CECR2: variants seen among roughly 807,000 people sequenced by gnomAD.
CECR2 encodes the protein CECR2 histone acetyl-lysine reader.
Under a neutral mutation model 154.5 loss-of-function variants are expected in CECR2, and 30 were observed. That is an observed-to-expected ratio of 0.19 (90% CI 0.15 to 0.26). The LOEUF (loss-of-function observed/expected upper bound fraction) is 0.26, where lower values mean the gene tolerates loss of function less well. Ranked by LOEUF, CECR2 falls within the 10% of genes least tolerant of loss-of-function variation. The pLI is 1.00. For synonymous variants in CECR2, 725 were observed against 683.7 expected, an observed-to-expected ratio of 1.06 and a Z score of -0.94; for missense variants, 1,743 against 1,829.3, an observed-to-expected ratio of 0.95 and a Z score of 0.86.
chr22:17,532,441 CCAATAT>C (rs1251987929), intron 9 of CECR2, among the ~76,000 whole-genome samples: 3 of 152,036 alleles, frequency 2.0e-5, no homozygotes, highest in African/African-American at 4.8e-5. Context: ...ACTTCCTCAG[CCAATAT>C]CTTAATAATC....
chr22:17,475,904 C>G (rs80053119), intron 1 of CECR2, among the ~76,000 whole-genome samples: 3,344 of 151,994 alleles, frequency 0.022, 55 homozygotes, highest in African/African-American at 0.049. Flanking sequence ...CATCTCCCCT[C>G]CCACCCTCTA....
intron 10 of CECR2, among the ~76,000 whole-genome samples, chr22:17,538,226 T>A (rs2056466984): frequency 6.6e-6 from 1 of 152,128 alleles, no homozygotes; most frequent in South Asian, 2.1e-4. Context: ...TCAAAATAAG[T>A]AAATAAAGAA....
chr22:17,502,541 C>T (rs148316329), intron 5 of CECR2, among the ~76,000 whole-genome samples: 121 of 152,282 alleles, frequency 7.9e-4, no homozygotes, highest in African/African-American at 2.8e-3. Context: ...CGGTGGCTCA[C>T]GCCTGTAATC....
Position 17,549,428 on chromosome 22 carries a change from A to G in CECR2, c.4141A>G (p.Asn1381Asp), listed in dbSNP as rs199653481. The G allele has an allele frequency of 1.6e-4, 257 of 1,613,234 alleles. No individual in the cohort carries two copies. Among genetic ancestry groups the G allele is most frequent in the Non-Finnish European group, 2.0e-4 (236 of 1,179,574 alleles). Residue 1381 changes from asparagine to aspartate, a missense_variant, in exon 17 of 19, where the codon AAC becomes GAC. Coordinates refer to ENST00000262608, the MANE Select transcript of CECR2 (RefSeq NM_001290047.2). ...TCACCACCCAGGGGCCACCCAGCCC[A>G]ACGGCCTCTCTCAGGAGGGTCCCAT... ...PPHHPGATQP[N>D]GLSQEGPIYR...
At chr22:17,446,301 A>T (rs2054661342) in intron 1 of CECR2, among the ~76,000 whole-genome samples, 1 of 152,152 alleles carries the variant, frequency 6.6e-6, no homozygotes, top group Admixed American at 6.5e-5. Flanking sequence ...GAGTGAGCCT[A>T]GGAGCTATGA....
intron 1 of CECR2, among the ~76,000 whole-genome samples, chr22:17,433,389 A>T (rs2054456111): frequency 6.6e-6 from 1 of 152,190 alleles, no homozygotes; most frequent in Non-Finnish European, 1.5e-5. Context: ...TTGCTCAAAG[A>T]AGTTAAAATT....
At chr22:17,408,916 A>G (rs1860309) in intron 1 of CECR2, among the ~76,000 whole-genome samples, 70,942 of 151,852 alleles carry the variant, frequency 0.47, 17,350 homozygotes, top group Non-Finnish European at 0.54. Context: ...TGCATCTTCT[A>G]CCTTCCTTAC....
intron 1 of CECR2, among the ~76,000 whole-genome samples, chr22:17,360,354 C>T (rs2062969971): frequency 6.6e-6 from 1 of 152,136 alleles, no homozygotes; most frequent in Non-Finnish European, 1.5e-5. Flanking sequence ...CCAGCTTGTA[C>T]AACATCGTGA....
At chr22:17,386,913 A>G (rs1301940902) in intron 1 of CECR2, among the ~76,000 whole-genome samples, 1 of 152,188 alleles carries the variant, frequency 6.6e-6, no homozygotes, top group Non-Finnish European at 1.5e-5. Flanking sequence ...AGCCTCCTAC[A>G]GTGCTGGGAT....
At chr22:17,523,256 A>C (rs979653383) in intron 8 of CECR2, among the ~76,000 whole-genome samples, 1 of 151,158 alleles carries the variant, frequency 6.6e-6, no homozygotes, top group African/African-American at 2.4e-5. Context: ...GGTCGCAGGT[A>C]CCCTGTAACT....
intron 1 of CECR2, among the ~76,000 whole-genome samples, chr22:17,429,329 G>A (rs150149802): frequency 3.9e-5 from 6 of 152,138 alleles, no homozygotes; most frequent in Middle Eastern, 3.4e-3. Context: ...GTCAGAATAG[G>A]TATTTTGGAT....
intron 4 of CECR2, among the ~76,000 whole-genome samples, chr22:17,500,144 G>T (rs1166185756): frequency 6.7e-6 from 1 of 149,808 alleles, no homozygotes; most frequent in African/African-American, 2.5e-5. Context: ...CCGGGAGGCT[G>T]ATCTTGCAGT....
rs146448922 is a variant in CECR2, at chr22:17,453,125, T to G, written c.127-24463T>G. 2.2e-3 allele frequency among the ~76,000 whole-genome samples: 335 copies of G among 152,320 alleles called. 1 individual carries two copies. The highest frequency in any genetic ancestry group is 7.6e-3 in the African/African-American group (315 of 41,572). On this transcript the variant is annotated intron_variant, in intron 1 of 18. Coordinates refer to ENST00000262608, the MANE Select transcript of CECR2 (RefSeq NM_001290047.2). Reference sequence around the variant, plus strand: ...ATAATTTTACCTATGGCTGTATATTTAGGTCTTTTCGTGCAGGCTATAAAA... The same window carrying G: ...ATAATTTTACCTATGGCTGTATATTGAGGTCTTTTCGTGCAGGCTATAAAA...
chr22:17,414,517 T>A (rs904149442), intron 1 of CECR2, among the ~76,000 whole-genome samples: 1 of 149,450 alleles, frequency 6.7e-6, no homozygotes, highest in African/African-American at 2.5e-5. Flanking sequence ...TTTTTCCTGA[T>A]TTTTTTTTAT....
chr22:17,536,971 C>T, intron 9 of CECR2, 132 bp from the exon 10 acceptor site: 1 of 974,974 alleles, frequency 1.0e-6, no homozygotes, highest in Non-Finnish European at 1.5e-6. Context: ...AAGAGGGTGG[C>T]ACAGGGAGCA....
chr22:17,377,252 TTCTTTC>T (rs922222491), intron 1 of CECR2, among the ~76,000 whole-genome samples: 1 of 152,206 alleles, frequency 6.6e-6, no homozygotes, highest in Non-Finnish European at 1.5e-5. Context: ...TAGGAATTTT[TTCTTTC>T]TCTTTCTCTG....
chr22:17,497,636 C>A, intron 3 of CECR2, 50 bp downstream of exon 3: 1 of 1,576,108 alleles, frequency 6.3e-7, no homozygotes, highest in South Asian at 1.1e-5. Context: ...AGCCAGCAAT[C>A]AGAAATGTAG....
At chr22:17,535,100 G>A (rs192939632) in intron 9 of CECR2, among the ~76,000 whole-genome samples, 7 of 151,906 alleles carry the variant, frequency 4.6e-5, no homozygotes, top group African/African-American at 9.7e-5. Context: ...GCAGTGAGGC[G>A]AGATCGCACC....
intron 8 of CECR2, among the ~76,000 whole-genome samples, chr22:17,520,116 A>G (rs1271154133): frequency 6.6e-6 from 1 of 152,146 alleles, no homozygotes; most frequent in African/African-American, 2.4e-5. Flanking sequence ...GTGACTTAAC[A>G]TTACAATTTC....
Sources: gnomAD v4.1 joint callset for allele counts (sites outside exome capture counted in the v4.1 genomes callset) on GRCh38, gnomAD v4.1.1 for gene constraint, MANE v1.5 for transcripts, NCBI Gene and HGNC (gene_info 2026-07-23, HGNC 2026-07-21) for gene names.